Variants in GABRB2 observed in about 807,000 individuals in gnomAD.
GABRB2 encodes the protein gamma-aminobutyric acid type A receptor subunit beta2, also known as gamma-aminobutyric acid receptor subunit beta-2.
In GABRB2, 16 loss-of-function variants were observed where a neutral mutation model predicts 54.7. The ratio of observed to expected loss-of-function variants is 0.29; its 90% CI spans 0.20 to 0.44. The LOEUF (loss-of-function observed/expected upper bound fraction) is 0.44. Among genes scored for constraint, GABRB2 ranks in the 20% least tolerant of loss-of-function variants. The probability of loss-of-function intolerance (pLI) is 1.00; values close to 1 mark genes in which losing one functional copy is unlikely to be tolerated. For synonymous variants in GABRB2, 244 were observed against 233.8 expected, an observed-to-expected ratio of 1.04 and a Z score of -0.40; for missense variants, 355 against 644.0, an observed-to-expected ratio of 0.55 and a Z score of 4.86.
intron 3 of GABRB2, among the ~76,000 whole-genome samples, chr5:161,519,698 G>T (rs1760054856): frequency 6.6e-6 from 1 of 152,056 alleles, no homozygotes; most frequent in African/African-American, 2.4e-5. Context: ...ACTAAATTCA[G>T]AAAAATCTTT....
intron 4 of GABRB2, among the ~76,000 whole-genome samples, chr5:161,418,935 G>A (rs1332053496): frequency 1.3e-5 from 2 of 152,054 alleles, no homozygotes; most frequent in African/African-American, 2.4e-5. Flanking sequence ...GAGACCAGCG[G>A]GGGAAGCATG....
At chr5:161,304,677 A>G (rs1580962915) in intron 9 of GABRB2, among the ~76,000 whole-genome samples, 1 of 121,960 alleles carries the variant, frequency 8.2e-6, no homozygotes. Flanking sequence ...ACTATAGATC[A>G]CTGATTTGTT....
chr5:161,323,440 G>T (rs1417684238), intron 9 of GABRB2, among the ~76,000 whole-genome samples: 1 of 151,966 alleles, frequency 6.6e-6, no homozygotes, highest in Non-Finnish European at 1.5e-5. Flanking sequence ...TCTTTGTTTA[G>T]ATGCTTCATC....
At chr5:161,306,150 T>C (rs252974) in intron 9 of GABRB2, among the ~76,000 whole-genome samples, 16,600 of 152,242 alleles carry the variant, frequency 0.11, 1,053 homozygotes, top group Non-Finnish European at 0.14. Context: ...CAAAAAGTAA[T>C]GAGGATGGGT....
intron 5 of GABRB2, among the ~76,000 whole-genome samples, chr5:161,352,800 G>C (rs563774030): frequency 6.6e-6 from 1 of 151,896 alleles, no homozygotes; most frequent in Admixed American, 6.6e-5. Flanking sequence ...ACTTCATGCT[G>C]TACATAATTT....
intron 3 of GABRB2, among the ~76,000 whole-genome samples, chr5:161,482,958 C>T (rs1029986474): frequency 6.6e-6 from 1 of 152,000 alleles, no homozygotes; most frequent in Non-Finnish European, 1.5e-5. Context: ...GATAGTTCCA[C>T]TAATTTTTCA....
At chr5:161,340,559 T>A (rs1298994119) in intron 5 of GABRB2, among the ~76,000 whole-genome samples, 1 of 151,982 alleles carries the variant, frequency 6.6e-6, no homozygotes. Flanking sequence ...TATATATTTC[T>A]CCCTATGTAT....
intron 3 of GABRB2, among the ~76,000 whole-genome samples, chr5:161,522,120 G>C (rs939784670): frequency 6.6e-6 from 1 of 151,720 alleles, no homozygotes; most frequent in Non-Finnish European, 1.5e-5. Flanking sequence ...GTCATTTTCT[G>C]TATATGAATC....
At chr5:161,300,993 A>G (rs1423939076) in intron 9 of GABRB2, among the ~76,000 whole-genome samples, 2 of 152,188 alleles carry the variant, frequency 1.3e-5, no homozygotes, top group Non-Finnish European at 2.9e-5. Flanking sequence ...TTACACAACT[A>G]TCCTATTTAA....
intron 4 of GABRB2, among the ~76,000 whole-genome samples, chr5:161,437,098 G>A (rs1229928479): frequency 1.3e-5 from 2 of 152,128 alleles, no homozygotes; most frequent in African/African-American, 4.8e-5. Context: ...TCCTAGGGCG[G>A]ATTTAGGCCC....
At chr5:161,412,922 T>G (rs193254975) in intron 4 of GABRB2, among the ~76,000 whole-genome samples, 1 of 152,326 alleles carries the variant, frequency 6.6e-6, no homozygotes, top group East Asian at 1.9e-4. Context: ...TGTCTGTTTT[T>G]AGAGACAGGT....
intron 3 of GABRB2, among the ~76,000 whole-genome samples, chr5:161,463,565 A>AGATATC (rs1758188441): frequency 1.9e-5 from 2 of 104,732 alleles, no homozygotes; most frequent in African/African-American, 3.4e-5. Flanking sequence ...TTATATATAT[A>AGATATC]TATATATATA....
chr5:161,479,978 G>A (rs1332824754), intron 3 of GABRB2, among the ~76,000 whole-genome samples: 4 of 152,076 alleles, frequency 2.6e-5, no homozygotes, highest in African/African-American at 7.2e-5. Flanking sequence ...GTGTACATGT[G>A]TACATACACC....
intron 4 of GABRB2, among the ~76,000 whole-genome samples, chr5:161,444,590 T>C (rs1454755069): frequency 6.6e-6 from 1 of 152,182 alleles, no homozygotes; most frequent in Non-Finnish European, 1.5e-5. Context: ...GGTCAACTCA[T>C]ATTTGCACTT....
chr5:161,336,275 A>G (rs1199495740), intron 6 of GABRB2, among the ~76,000 whole-genome samples: 1 of 152,146 alleles, frequency 6.6e-6, no homozygotes, highest in Admixed American at 6.6e-5. Context: ...TCTCCCAATC[A>G]TAATCATAAT....
At chr5:161,515,387 C>A (rs542039641) in intron 3 of GABRB2, among the ~76,000 whole-genome samples, 1 of 151,966 alleles carries the variant, frequency 6.6e-6, no homozygotes, top group South Asian at 2.1e-4. Context: ...CAAAACAGAT[C>A]TTTTTATTTT....
intron 3 of GABRB2, among the ~76,000 whole-genome samples, chr5:161,520,652 A>G (rs1002692751): frequency 1.3e-5 from 2 of 152,168 alleles, no homozygotes; most frequent in South Asian, 4.1e-4. Flanking sequence ...TAAATTCGCA[A>G]GCGTTTATGT....
At chr5:161,354,632 A>G (rs1037646423) in intron 5 of GABRB2, among the ~76,000 whole-genome samples, 7 of 151,990 alleles carry the variant, frequency 4.6e-5, no homozygotes, top group Non-Finnish European at 1.0e-4. Context: ...CTTACAATCT[A>G]TAGTGGAAGG....
chr5:161,435,166 A>T (rs1757274110), intron 4 of GABRB2, among the ~76,000 whole-genome samples: 1 of 152,042 alleles, frequency 6.6e-6, no homozygotes, highest in Admixed American at 6.6e-5. Context: ...AATCTAGTCA[A>T]TACTAAAAAT....
Sources: allele counts gnomAD v4.1 joint callset (sites outside exome capture counted in the v4.1 genomes callset), GRCh38; gene constraint gnomAD v4.1.1; transcripts MANE v1.5; gene names NCBI Gene and HGNC (gene_info 2026-07-23, HGNC 2026-07-21).